LRP6: variants seen among roughly 807,000 people sequenced by gnomAD.
LRP6 encodes low-density lipoprotein receptor-related protein 6.
A neutral mutation model predicts 184.1 loss-of-function variants in LRP6; 43 were observed. The ratio of observed to expected loss-of-function variants is 0.23; its 90% CI spans 0.18 to 0.30. The LOEUF is 0.30. Among genes scored for constraint, LRP6 ranks in the 10% least tolerant of loss-of-function variants. LRP6 has a pLI of 1.00. For missense variants in LRP6, 1,571 were observed against 2,005.3 expected (o/e 0.78, Z 4.14); for synonymous variants, 719 against 684.9 (o/e 1.05, Z -0.78).
At chr12:12,177,399 A>G (rs1456874905) in intron 7 of LRP6, among the ~76,000 whole-genome samples, 1 of 152,174 alleles carries the variant, frequency 6.6e-6, no homozygotes, top group Non-Finnish European at 1.5e-5. Flanking sequence ...TTAAAATTAT[A>G]CATCTTTGTA....
At chr12:12,147,593 T>A in intron 14 of LRP6, 37 bp from the exon 15 acceptor site, 1 of 1,446,830 alleles carries the variant, frequency 6.9e-7, no homozygotes, top group Non-Finnish European at 9.7e-7. Flanking sequence ...GTTACTGGAG[T>A]AAGAAACCAC....
intron 2 of LRP6, among the ~76,000 whole-genome samples, chr12:12,222,435 G>A (rs944876388): frequency 6.6e-6 from 1 of 151,788 alleles, no homozygotes; most frequent in Non-Finnish European, 1.5e-5. Flanking sequence ...GGTCGTCGTG[G>A]TGGTGCCTGT....
At chr12:12,167,287 T>C (rs1187320901) in intron 7 of LRP6, among the ~76,000 whole-genome samples, 1 of 152,080 alleles carries the variant, frequency 6.6e-6, no homozygotes, top group East Asian at 1.9e-4. Flanking sequence ...CAGAAAGAGA[T>C]TTGTATTTCA....
chr12:12,200,222 T>C (rs1247059795), intron 3 of LRP6, among the ~76,000 whole-genome samples: 1 of 152,196 alleles, frequency 6.6e-6, no homozygotes, highest in Non-Finnish European at 1.5e-5. Context: ...TCATTATCTG[T>C]GTTTCCACGA....
intron 12 of LRP6, chr12:12,155,917 A>G: frequency 1.8e-6 from 1 of 551,780 alleles, no homozygotes. Context: ...TTTATTTAAC[A>G]ATAATTTCTT....
chr12:12,240,332 G>C (rs1865031442), intron 2 of LRP6, among the ~76,000 whole-genome samples: 1 of 152,134 alleles, frequency 6.6e-6, no homozygotes, highest in Admixed American at 6.5e-5. Context: ...CCAGCACTTT[G>C]GGAGGCCGAG....
At position 12,124,594 on chromosome 12, in the gene LRP6, T is replaced by C. The variant is rs1263515220; in HGVS notation, c.4518A>G (p.Ser1506=). Residue 1506 remains serine (S), a synonymous_variant, in exon 22 of 23, where the codon TCA becomes TCG. Coordinates refer to ENST00000261349, the MANE Select transcript of LRP6 (RefSeq NM_002336.3). Reference sequence around the variant, plus strand: ...ATGACCTATGAGTGGAAGGACTGTTTGAAGAATATCCAAATTCCATAGTGT... The same window carrying C: ...ATGACCTATGAGTGGAAGGACTGTTCGAAGAATATCCAAATTCCATAGTGT... ...SHYTMEFGYS[S]NSPSTHRSYS... 4 of 1,613,642 alleles carry C rather than the reference T, an allele frequency of 2.5e-6. No homozygotes were observed. The highest frequency in any genetic ancestry group is 3.4e-6 in the Non-Finnish European group (4 of 1,179,546).
intron 14 of LRP6, 107 bp from the exon 15 acceptor site, chr12:12,147,663 T>C (rs1591885856): frequency 2.1e-6 from 2 of 957,758 alleles, no homozygotes; most frequent in Non-Finnish European, 1.6e-6. Flanking sequence ...AGTATTGTTT[T>C]TAAAAGTTTT....
chr12:12,183,367 G>A (rs903821375), intron 5 of LRP6, among the ~76,000 whole-genome samples: 1 of 152,134 alleles, frequency 6.6e-6, no homozygotes, highest in African/African-American at 2.4e-5. Flanking sequence ...TTCCAAACTG[G>A]AAGTCCCTTA....
At chr12:12,218,122 C>T (rs563114902) in intron 2 of LRP6, among the ~76,000 whole-genome samples, 5 of 152,220 alleles carry the variant, frequency 3.3e-5, no homozygotes, top group African/African-American at 7.2e-5. Flanking sequence ...ATTTGCAAAT[C>T]GTATGTCCGA....
intron 2 of LRP6, among the ~76,000 whole-genome samples, chr12:12,238,266 GA>G (rs150516319): frequency 1.1e-3 from 166 of 148,218 alleles, no homozygotes; most frequent in African/African-American, 3.8e-3. Flanking sequence ...TAATGAGAGA[GA>G]AGATAAAAGA....
At chr12:12,130,750 TAA>T in intron 19 of LRP6, 31 bp downstream of exon 19, 1 of 1,334,890 alleles carries the variant, frequency 7.5e-7, no homozygotes, top group African/African-American at 1.4e-5. Context: ...AATTCTCTGT[TAA>T]GAGTAATTTA....
intron 1 of LRP6, among the ~76,000 whole-genome samples, chr12:12,258,711 C>T (rs186415866): frequency 1.3e-5 from 2 of 152,312 alleles, no homozygotes; most frequent in East Asian, 1.9e-4. Flanking sequence ...GAAGTTCACT[C>T]GTCACCTTTC....
chr12:12,183,557 A>C (rs976228291), intron 5 of LRP6, among the ~76,000 whole-genome samples: 2 of 148,986 alleles, frequency 1.3e-5, no homozygotes, highest in Non-Finnish European at 2.9e-5. Flanking sequence ...AACATCCTTA[A>C]ATAATTTGTT....
At chr12:12,121,460 CA>C (rs759568058) in intron 22 of LRP6, 40 bp from the exon 23 acceptor site, 232 of 1,555,588 alleles carry the variant, frequency 1.5e-4, no homozygotes, top group Non-Finnish European at 1.8e-4. Context: ...GTTAGTTTTA[CA>C]AAAAAAAATG....
At chr12:12,145,009 C>G (rs1046587259) in intron 15 of LRP6, among the ~76,000 whole-genome samples, 5 of 151,846 alleles carry the variant, frequency 3.3e-5, no homozygotes, top group Non-Finnish European at 7.4e-5. Flanking sequence ...ACATGTATAC[C>G]TATGTATCAA....
chr12:12,218,517 A>ATAG (rs1427537241), intron 2 of LRP6, among the ~76,000 whole-genome samples: 1 of 142,968 alleles, frequency 7.0e-6, no homozygotes, highest in African/African-American at 2.6e-5. Context: ...AATAATAATA[A>ATAG]TACTATACAA....
In LRP6 at chr12:12,116,686, G is replaced by A. The variant is rs184127406; in HGVS notation, c.*4440C>T. The A allele has an allele frequency of 6.6e-6, 1 of 152,284 alleles. No homozygotes were observed. The highest frequency in any genetic ancestry group is 1.5e-5 in the Non-Finnish European group (1 of 68,026). The allele number at this position is 152,284 out of a possible 1,614,324, so 9.4% of individuals were successfully genotyped here. On this transcript the variant is annotated 3_prime_UTR_variant, in exon 23 of 23. Transcript: ENST00000261349. ...GAGAATCTAACAGTTCGTTAGGTCTGTACTCTGCTTCTAAATACAAGACAT... is the reference window on the plus strand; with the variant it reads ...GAGAATCTAACAGTTCGTTAGGTCTATACTCTGCTTCTAAATACAAGACAT...
intron 10 of LRP6, 143 bp downstream of exon 10, chr12:12,162,050 T>G (rs74673394): frequency 4.5e-6 from 3 of 664,876 alleles, no homozygotes; most frequent in Non-Finnish European, 2.6e-6. Context: ...ATATCAATAG[T>G]GTTTTTAAAA....
Sources: allele counts gnomAD v4.1 joint callset (sites outside exome capture counted in the v4.1 genomes callset), GRCh38; gene constraint gnomAD v4.1.1; transcripts MANE v1.5; gene names NCBI Gene and HGNC (gene_info 2026-07-23, HGNC 2026-07-21).